XPO7: variants seen among roughly 807,000 people sequenced by gnomAD.
XPO7 encodes exportin 7, also known as exportin-7.
A neutral mutation model predicts 144.3 loss-of-function variants in XPO7; 21 were observed. That is an observed-to-expected ratio of 0.15 (90% confidence interval 0.10 to 0.21). The LOEUF is 0.21. Among genes scored for constraint, XPO7 ranks in the 10% least tolerant of loss-of-function variants. The pLI, the probability that XPO7 is intolerant of heterozygous loss-of-function variation, is 1.00. For synonymous variants in XPO7, 580 were observed against 499.6 expected (o/e 1.16, Z -2.15); for missense variants, 808 against 1,325.8 (o/e 0.61, Z 6.06).
intron 21 of XPO7, among the ~76,000 whole-genome samples, chr8:21,995,964 C>T (rs975288653): frequency 3.3e-5 from 5 of 152,112 alleles, no homozygotes; most frequent in African/African-American, 1.2e-4. Flanking sequence ...TACAGGCACC[C>T]GCCACCACAC....
chr8:21,989,866 T>G (rs1027587232), intron 16 of XPO7, among the ~76,000 whole-genome samples: 5 of 104,320 alleles, frequency 4.8e-5, no homozygotes, highest in African/African-American at 2.2e-4. Context: ...TTTTTTTTTT[T>G]TGAGATGGAG....
Position 21,969,908 on chromosome 8 carries a change from A to G in XPO7, c.260-236A>G, listed in dbSNP as rs111944511. The G allele has an allele frequency of 4.8e-5, 27 of 561,282 alleles. 2 individuals are homozygous for G. The highest frequency in any genetic ancestry group is 4.0e-4 in the African/African-American group (21 of 52,912). The allele number at this position is 561,282 out of a possible 1,614,324, so 34.8% of individuals were successfully genotyped here. ...CTTTAGCTACCTAGGGATAGAGTCA[A>G]AGCAGCTATACTGCAAATTCTTCAT... On this transcript the variant is annotated intron_variant, in intron 3 of 27. Coordinates refer to ENST00000252512, the MANE Select transcript of XPO7 (RefSeq NM_015024.5).
intron 21 of XPO7, 144 bp downstream of exon 21, chr8:21,995,743 T>C (rs1812926268): frequency 1.7e-6 from 1 of 598,528 alleles, no homozygotes; most frequent in Non-Finnish European, 2.8e-6. Context: ...TGTTTTTGTT[T>C]GTGTGAAAGA....
chr8:21,982,580 C>A, intron 10 of XPO7, 60 bp from the exon 11 acceptor site: 1 of 1,488,280 alleles, frequency 6.7e-7, no homozygotes, highest in Non-Finnish European at 8.9e-7. Flanking sequence ...GTGTCAGTGG[C>A]ATGGGACTAA....
chr8:21,997,166 C>G (rs1812979854), intron 21 of XPO7, among the ~76,000 whole-genome samples: 1 of 152,108 alleles, frequency 6.6e-6, no homozygotes, highest in Non-Finnish European at 1.5e-5. Context: ...AGGCTATAAC[C>G]TCCCAGGAGA....
Position 21,989,035 on chromosome 8 carries a change from A to C in XPO7, c.1820A>C (p.Glu607Ala). 6.2e-7 allele frequency: 1 copy of C among 1,613,612 alleles called. No individual in the cohort carries two copies. Among genetic ancestry groups the C allele is most frequent in the African/African-American group, 1.3e-5 (1 of 74,910 alleles). Residue 607 changes from glutamate to alanine, a missense_variant, in exon 16 of 28, where the codon GAA (glutamate) becomes GCA (alanine). Around this residue, in one of 5 missense-constraint regions of XPO7, gnomAD observed 416 missense variants for 612.5 expected, o/e 0.68. Coordinates refer to ENST00000252512, the MANE Select transcript of XPO7 (RefSeq NM_015024.5). Reference protein sequence around the residue: ...ITNLKYWGRCEPITSKTLQLL... With the variant: ...ITNLKYWGRCAPITSKTLQLL... ...AACTTGAAGTACTGGGGCCGTTGTG[A>C]ACCAATCACCTCCAAGACACTACAG...
intron 8 of XPO7, among the ~76,000 whole-genome samples, chr8:21,979,755 T>C (rs1228416964): frequency 3.3e-5 from 5 of 152,194 alleles, no homozygotes; most frequent in Non-Finnish European, 4.4e-5. Flanking sequence ...ACATAACATC[T>C]ACATGTCAAA....
chr8:22,001,822 CA>C (rs1813158010), intron 24 of XPO7, among the ~76,000 whole-genome samples: 1 of 152,238 alleles, frequency 6.6e-6, no homozygotes, highest in East Asian at 1.9e-4. Flanking sequence ...ACAAAAGAAG[CA>C]CTTGCTGAAT....
intron 11 of XPO7, among the ~76,000 whole-genome samples, chr8:21,983,362 AC>A (rs1193968818): frequency 6.6e-6 from 1 of 152,212 alleles, no homozygotes; most frequent in Non-Finnish European, 1.5e-5. Context: ...TTCAAAAATT[AC>A]CTATATTAAA....
intron 21 of XPO7, among the ~76,000 whole-genome samples, chr8:21,995,922 T>TC (rs1176470976): frequency 2.0e-5 from 3 of 152,048 alleles, no homozygotes; most frequent in Non-Finnish European, 4.4e-5. Flanking sequence ...TTCACGCCAT[T>TC]CCCCTGCCTC....
intron 1 of XPO7, among the ~76,000 whole-genome samples, chr8:21,961,377 T>C (rs1391185114): frequency 1.3e-5 from 2 of 151,868 alleles, no homozygotes; most frequent in African/African-American, 4.8e-5. Flanking sequence ...ACCCAGCTAA[T>C]TTTTTTGTTA....
rs771899309 is a variant in XPO7, at chr8:21,985,704, C to A, written c.1577+13C>A. The A allele has an allele frequency of 8.1e-6, 13 of 1,610,360 alleles. No homozygotes were observed. The highest frequency in any genetic ancestry group is 1.1e-5 in the Non-Finnish European group (13 of 1,177,762). ...AGCTTGTCTGTCGGTAAGTGCTCCC[C>A]ACAGAAGCTCTCCACTCTGCCTTGC... On this transcript the variant is annotated intron_variant, in intron 13 of 27. Transcript: ENST00000252512.
intron 17 of XPO7, 101 bp from the exon 18 acceptor site, chr8:21,990,710 A>G (rs1484737991): frequency 2.6e-5 from 32 of 1,230,586 alleles, no homozygotes; most frequent in Non-Finnish European, 3.5e-5. Flanking sequence ...ATGACTACAT[A>G]ACCATTGGCT....
chr8:21,960,093 A>G (rs1008951799), intron 1 of XPO7, among the ~76,000 whole-genome samples: 2 of 152,212 alleles, frequency 1.3e-5, no homozygotes, highest in Non-Finnish European at 2.9e-5. Context: ...ACAGCTGTCT[A>G]CAGAGGAGCC....
intron 1 of XPO7, among the ~76,000 whole-genome samples, chr8:21,931,316 C>T (rs1415795960): frequency 6.6e-6 from 1 of 152,130 alleles, no homozygotes; most frequent in Non-Finnish European, 1.5e-5. Flanking sequence ...GCGCCTGCCA[C>T]CACACGCAGT....
At position 22,003,332 on chromosome 8, in the gene XPO7, T is replaced by G; in HGVS notation, c.3042+15T>G. On this transcript the variant is annotated intron_variant, in intron 26 of 27. Transcript: ENST00000252512. ...TTAATGAAAAGGTGAGAGAGCCAGC[T>G]CCCTGGTGCCAACCCAGAAGCAGTG... The G allele has an allele frequency of 5.0e-6, 8 of 1,595,762 alleles. No homozygotes were observed. The highest frequency in any genetic ancestry group is 6.8e-6 in the Non-Finnish European group (8 of 1,170,224).
intron 1 of XPO7, among the ~76,000 whole-genome samples, chr8:21,955,981 C>G (rs1343791815): frequency 1.3e-5 from 2 of 152,134 alleles, no homozygotes; most frequent in Non-Finnish European, 2.9e-5. Flanking sequence ...CCCGCCTCAG[C>G]CTCCCAAAGT....
intron 7 of XPO7, among the ~76,000 whole-genome samples, 182 bp from the exon 8 acceptor site, chr8:21,977,588 A>C (rs929953577): frequency 6.6e-6 from 1 of 152,232 alleles, no homozygotes; most frequent in African/African-American, 2.4e-5. Flanking sequence ...CCGTCTCAAA[A>C]AAAAGAGAAA....
intron 1 of XPO7, among the ~76,000 whole-genome samples, chr8:21,946,495 G>T (rs1811191302): frequency 6.7e-6 from 1 of 149,482 alleles, no homozygotes; most frequent in South Asian, 2.1e-4. Flanking sequence ...CATGAAAACT[G>T]CAAGTGGTTA....
Sources: allele counts gnomAD v4.1 joint callset (sites outside exome capture counted in the v4.1 genomes callset), GRCh38; gene constraint gnomAD v4.1.1; regional missense constraint gnomAD v4.1.1; transcripts MANE v1.5; gene names NCBI Gene and HGNC (gene_info 2026-07-23, HGNC 2026-07-21).